SMIM8: variants seen among roughly 807,000 people sequenced by gnomAD.
SMIM8 encodes small integral membrane protein 8.
Under a neutral mutation model 8.1 loss-of-function variants are expected in SMIM8, and 8 were observed. The observed-to-expected ratio is 0.99, with a 90% CI of 0.58 to 1.78. The LOEUF (loss-of-function observed/expected upper bound fraction) is 1.78, where lower values mean the gene tolerates loss of function less well. Ranked by LOEUF, SMIM8 falls within the 40% of genes most tolerant of loss-of-function variation. SMIM8 has a pLI of 0.00. For synonymous variants in SMIM8, 45 were observed against 39.7 expected (o/e 1.13, Z -0.50); for missense variants, 126 against 119.8 (o/e 1.05, Z -0.24).
intron 2 of SMIM8, among the ~76,000 whole-genome samples, chr6:87,333,639 C>T (rs1777040372): frequency 6.6e-6 from 1 of 152,202 alleles, no homozygotes; most frequent in African/African-American, 2.4e-5. Flanking sequence ...AGGAATTTAA[C>T]ACCACTACCC....
intron 1 of SMIM8, among the ~76,000 whole-genome samples, chr6:87,329,710 C>T (rs1296321369): frequency 6.6e-6 from 1 of 151,878 alleles, no homozygotes; most frequent in Non-Finnish European, 1.5e-5. Context: ...ATGCAAAGGC[C>T]TTTTATCAAT....
chr6:87,324,149 A>T (rs956633958), intron 1 of SMIM8, among the ~76,000 whole-genome samples: 1 of 151,986 alleles, frequency 6.6e-6, no homozygotes, highest in African/African-American at 2.4e-5. Context: ...AATTTGCTTG[A>T]GTTGATTGTA....
Position 87,340,453 on chromosome 6 carries a change from T to C in SMIM8, c.*179T>C. ...TCCTTTCACAGCTGCAGCCATTATC[T>C]CATTCTTTTTCCACAGAGTGAGCGT... On this transcript the variant is annotated 3_prime_UTR_variant, in exon 4 of 4. Transcript: ENST00000392863. 1 of 434,860 alleles carries C rather than the reference T, an allele frequency of 2.3e-6. No individual in the cohort carries two copies. The highest frequency in any genetic ancestry group is 3.8e-6 in the Non-Finnish European group (1 of 265,158). The allele number at this position is 434,860 out of a possible 1,614,324, so 26.9% of individuals were successfully genotyped here.
chr6:87,326,667 G>A (rs1582087170), intron 1 of SMIM8, among the ~76,000 whole-genome samples: 1 of 136,710 alleles, frequency 7.3e-6, no homozygotes, highest in East Asian at 2.0e-4. Flanking sequence ...TACATTTGCT[G>A]AGGAGAGCTT....
intron 2 of SMIM8, among the ~76,000 whole-genome samples, chr6:87,332,343 A>ATATATATATATATATATATATATATAT (rs1491301788): frequency 3.4e-5 from 5 of 145,798 alleles, no homozygotes; most frequent in African/African-American, 1.3e-4. Flanking sequence ...ATATATATAT[A>ATATATATATATATATATATATATATAT]AATGACAGCA....
At chr6:87,337,385 A>T (rs1284602079) in intron 3 of SMIM8, among the ~76,000 whole-genome samples, 1 of 152,228 alleles carries the variant, frequency 6.6e-6, no homozygotes, top group East Asian at 1.9e-4. Flanking sequence ...GTTATAATGA[A>T]AAATGGTTGC....
Position 87,341,228 on chromosome 6 carries a change from TG to T in SMIM8, c.*955del, listed in dbSNP as rs537334973. 62 of 398,548 alleles carry T rather than the reference TG, an allele frequency of 1.6e-4. No individual in the cohort carries two copies. In the East Asian group the frequency reaches 2.1e-3, roughly 14 times the overall value. The allele number at this position is 398,548 out of a possible 1,614,324, so 24.7% of individuals were successfully genotyped here. The stretch of plus-strand genomic sequence containing the variant: ...CTTTTTGTTTTTTTCCTTTTCAGAA[TG>T]TTTCTTATTCTCTGAAGCATCAGCA... On this transcript the variant is annotated 3_prime_UTR_variant, in exon 4 of 4. Transcript: ENST00000392863.
chr6:87,329,048 G>A (rs1198487579), intron 1 of SMIM8: 1 of 152,874 alleles, frequency 6.5e-6, no homozygotes, highest in African/African-American at 2.4e-5. Flanking sequence ...TCTTTGACTA[G>A]GAGAGGGAAC....
chr6:87,326,331 C>G (rs916865942), intron 1 of SMIM8, among the ~76,000 whole-genome samples: 3 of 152,072 alleles, frequency 2.0e-5, no homozygotes, highest in Non-Finnish European at 4.4e-5. Flanking sequence ...TTTGCTCTTG[C>G]TTTTCTAGTT....
intron 2 of SMIM8, among the ~76,000 whole-genome samples, chr6:87,331,987 T>C (rs1036238666): frequency 6.6e-6 from 1 of 152,120 alleles, no homozygotes; most frequent in Non-Finnish European, 1.5e-5. Context: ...TCTAGCAGAG[T>C]TTAACATAAA....
Position 87,328,993 on chromosome 6 carries a change from C to T in SMIM8, c.-44-1699C>T, listed in dbSNP as rs186623083. 7.3e-4 allele frequency: 113 copies of T among 154,046 alleles called. 1 individual carries two copies. The East Asian group carries it at 0.021, about 28-fold the overall frequency. 9.5% of individuals were successfully genotyped at this position (154,046 alleles called of 1,614,324 possible). A position where few individuals can be genotyped will look rare whatever the true frequency, so the allele number is the denominator to read the frequency against. On this transcript the variant is annotated intron_variant, in intron 1 of 3. Transcript: ENST00000392863. ...AAGCCCGTCGGAAAAGCGCAGGATT[C>T]GGGTGGGAGTGACCCGATTTTCCAT... is the stretch of plus-strand genomic sequence containing the variant.
intron 1 of SMIM8, among the ~76,000 whole-genome samples, chr6:87,326,010 G>C (rs1026246276): frequency 6.6e-6 from 1 of 152,116 alleles, no homozygotes; most frequent in Non-Finnish European, 1.5e-5. Context: ...TGTATGTGTC[G>C]AGGAACTTAT....
rs536212796 is a variant in SMIM8 at position 87,324,218 on chromosome 6, G to A, written c.-45+1586G>A. On this transcript the variant is annotated intron_variant, in intron 1 of 3. Coordinates refer to ENST00000392863, the MANE Select transcript of SMIM8 (RefSeq NM_001042493.3). The stretch of plus-strand genomic sequence containing the variant: ...GGTTGTGAAAATTTTCTCCCATTTT[G>A]TAGGTTGCCTGTTCACTCTGATGGT... 3.3e-4 allele frequency among the ~76,000 whole-genome samples: 50 copies of A among 152,258 alleles called. No homozygotes were observed. In the Middle Eastern group the frequency reaches 0.01, roughly 31 times the overall value.
chr6:87,336,867 A>G (rs1249059248), intron 2 of SMIM8, 142 bp from the exon 3 acceptor site: 2 of 540,250 alleles, frequency 3.7e-6, no homozygotes, highest in Non-Finnish European at 6.0e-6. Flanking sequence ...AGTACATTAT[A>G]CAAAGTAATA....
chr6:87,340,235 G>A lies in SMIM8; in HGVS notation c.255G>A (p.Gly85=), dbSNP rs1352848722. 2 of 1,609,256 alleles carry A rather than the reference G, an allele frequency of 1.2e-6. No individual in the cohort carries two copies. The part of the protein sequence containing the change: ...KDLYEAIDSE[G]HSYMRRKTSK... ...TCTATGAAGCTATTGATAGTGAGGGGCACAGTTATATGAGGCGGAAAACAT... is the reference window on the plus strand; with the variant it reads ...TCTATGAAGCTATTGATAGTGAGGGACACAGTTATATGAGGCGGAAAACAT... Residue 85 remains glycine, a synonymous_variant, in exon 4 of 4, where the codon GGG becomes GGA. Transcript: ENST00000392863.
rs1305292185 is a variant in SMIM8 at position 87,341,219 on chromosome 6, T to C, written c.*945T>C. 2.5e-6 allele frequency: 1 copy of C among 398,510 alleles called. No individual in the cohort carries two copies. The highest frequency in any genetic ancestry group is 4.4e-6 in the Non-Finnish European group (1 of 225,982). The allele number at this position is 398,510 out of a possible 1,614,324, so 24.7% of individuals were successfully genotyped here. ...CCAGCAGGCCTTTTTGTTTTTTTCC[T>C]TTTCAGAATGTTTCTTATTCTCTGA... On this transcript the variant is annotated 3_prime_UTR_variant, in exon 4 of 4. Transcript: ENST00000392863.
At chr6:87,324,538 A>G (rs912743267) in intron 1 of SMIM8, among the ~76,000 whole-genome samples, 3 of 150,762 alleles carry the variant, frequency 2.0e-5, no homozygotes, top group Non-Finnish European at 4.4e-5. Context: ...TCCTTTCCCC[A>G]TTGCTTGTTT....
chr6:87,335,970 A>G (rs1429826789), intron 2 of SMIM8, among the ~76,000 whole-genome samples: 1 of 151,426 alleles, frequency 6.6e-6, no homozygotes, highest in African/African-American at 2.4e-5. Flanking sequence ...GCAGTGAGCT[A>G]TGATCACGCC....
At chr6:87,340,052 G>A (rs1016055399) in intron 3 of SMIM8, 64 bp from the exon 4 acceptor site, 11 of 1,354,334 alleles carry the variant, frequency 8.1e-6, no homozygotes, top group Middle Eastern at 2.5e-4. Context: ...AAGTGCAACC[G>A]ATATTTGGGT....
Sources: allele counts gnomAD v4.1 joint callset (sites outside exome capture counted in the v4.1 genomes callset), GRCh38; gene constraint gnomAD v4.1.1; transcripts MANE v1.5; gene names NCBI Gene and HGNC (gene_info 2026-07-23, HGNC 2026-07-21).